Variants in EPHB2 observed in about 807,000 individuals in gnomAD.
EPHB2 encodes the protein EPH receptor B2, also known as ephrin type-B receptor 2.
Under a neutral mutation model 96.4 loss-of-function variants are expected in EPHB2, and 18 were observed. The ratio of observed to expected loss-of-function variants is 0.19; its 90% CI spans 0.13 to 0.28. The LOEUF is 0.28. EPHB2 is among the 10% of genes least tolerant of loss of function. The probability of loss-of-function intolerance (pLI) is 1.00; values close to 1 mark genes in which losing one functional copy is unlikely to be tolerated. For synonymous variants in EPHB2, 506 were observed against 534.1 expected, an observed-to-expected ratio of 0.95 and a Z score of 0.72; for missense variants, 989 against 1,355.4, an observed-to-expected ratio of 0.73 and a Z score of 4.25.
intron 5 of EPHB2, among the ~76,000 whole-genome samples, chr1:22,873,113 A>G (rs913654183): frequency 4.6e-5 from 7 of 152,286 alleles, no homozygotes; most frequent in African/African-American, 1.2e-4. Context: ...TTAACAATCA[A>G]CCATTAACCA....
At chr1:22,843,405 A>G (rs534988936) in intron 3 of EPHB2, among the ~76,000 whole-genome samples, 6 of 152,270 alleles carry the variant, frequency 3.9e-5, no homozygotes, top group Admixed American at 1.3e-4. Context: ...GATAAATTGC[A>G]TGTCATGGGG....
chr1:22,867,483 A>G (rs1325978164), intron 5 of EPHB2, among the ~76,000 whole-genome samples: 1 of 152,076 alleles, frequency 6.6e-6, no homozygotes, highest in African/African-American at 2.4e-5. Context: ...TTTGTGACTG[A>G]CTGCCTATAG....
Position 22,882,457 on chromosome 1 carries a change from G to T in EPHB2, c.1402G>T (p.Asp468Tyr). ...GGACCAGCCCAATGGCGTGATCCTG[G>T]ACTATGAGCTGCAGTACTATGAGAA... ...QPDQPNGVIL[D>Y]YELQYYEKEL... is the part of the protein sequence containing the mutation. Residue 468 changes from aspartate to tyrosine, a missense_variant, in exon 6 of 16, where the codon GAC becomes TAC. Transcript: ENST00000374630. The T allele has an allele frequency of 6.2e-7, 1 of 1,614,166 alleles. No individual in the cohort carries two copies. Among genetic ancestry groups the T allele is most frequent in the Non-Finnish European group, 8.5e-7 (1 of 1,180,004 alleles).
At chr1:22,756,321 G>T (rs1482538064) in intron 1 of EPHB2, among the ~76,000 whole-genome samples, 1 of 152,122 alleles carries the variant, frequency 6.6e-6, no homozygotes, top group African/African-American at 2.4e-5. Flanking sequence ...GGGTCCGGAG[G>T]GGAGGCAGGA....
chr1:22,771,586 G>A (rs532625556), intron 1 of EPHB2, among the ~76,000 whole-genome samples: 2 of 152,322 alleles, frequency 1.3e-5, no homozygotes, highest in African/African-American at 4.8e-5. Flanking sequence ...TCTTGCAAGT[G>A]ACTGCCTCTC....
intron 1 of EPHB2, among the ~76,000 whole-genome samples, chr1:22,736,186 T>C (rs1328629303): frequency 6.6e-6 from 1 of 152,306 alleles, no homozygotes; most frequent in Non-Finnish European, 1.5e-5. Context: ...GAGCTCATCG[T>C]ACACACGGGG....
intron 3 of EPHB2, among the ~76,000 whole-genome samples, chr1:22,853,771 G>A (rs1161545467): frequency 6.6e-6 from 1 of 152,242 alleles, no homozygotes; most frequent in African/African-American, 2.4e-5. Context: ...AGCTGGCCAG[G>A]TGGACCGTGG....
At chr1:22,735,477 A>T (rs1643808507) in intron 1 of EPHB2, among the ~76,000 whole-genome samples, 1 of 151,798 alleles carries the variant, frequency 6.6e-6, no homozygotes, top group South Asian at 2.1e-4. Context: ...GCAGAAGTAG[A>T]ACCAGGGCCT....
chr1:22,910,253 G>C, intron 13 of EPHB2, 129 bp from the exon 14 acceptor site: 1 of 1,186,314 alleles, frequency 8.4e-7, no homozygotes, highest in Non-Finnish European at 1.2e-6. Flanking sequence ...GCCTCCAGGA[G>C]GTGAAAGTGG....
chr1:22,822,666 A>G (rs1181971116), intron 3 of EPHB2, among the ~76,000 whole-genome samples: 1 of 152,234 alleles, frequency 6.6e-6, no homozygotes, highest in Non-Finnish European at 1.5e-5. Context: ...AAGTGAAAGG[A>G]AGGCCCTGTT....
At chr1:22,745,934 C>T (rs1412754094) in intron 1 of EPHB2, among the ~76,000 whole-genome samples, 1 of 152,240 alleles carries the variant, frequency 6.6e-6, no homozygotes, top group African/African-American at 2.4e-5. Context: ...CCCATTTCTA[C>T]ACCTCAGCAG....
chr1:22,788,079 G>A lies in EPHB2; in HGVS notation c.811+3003G>A, dbSNP rs538564771. On this transcript the variant is annotated intron_variant, in intron 3 of 15. Coordinates refer to ENST00000374630, the MANE Select transcript of EPHB2 (RefSeq NM_017449.5). Reference sequence around the variant, plus strand: ...CCAGAAGTGACATCTTGCCACTTCTGCCATATTCTCTGCATTAAAAGCAAG... The same window carrying A: ...CCAGAAGTGACATCTTGCCACTTCTACCATATTCTCTGCATTAAAAGCAAG... Among the ~76,000 whole-genome samples the A allele has an allele frequency of 2.0e-3, 299 of 152,252 alleles. 2 individuals are homozygous for A. The highest frequency in any genetic ancestry group is 6.8e-3 in the African/African-American group (284 of 41,542).
At chr1:22,814,017 C>T (rs1410052367) in intron 3 of EPHB2, among the ~76,000 whole-genome samples, 1 of 152,054 alleles carries the variant, frequency 6.6e-6, no homozygotes, top group Non-Finnish European at 1.5e-5. Context: ...ACTGAAAATA[C>T]AAAAATTAGT....
intron 2 of EPHB2, among the ~76,000 whole-genome samples, chr1:22,781,765 G>A (rs987304735): frequency 5.9e-5 from 9 of 152,004 alleles, no homozygotes; most frequent in Admixed American, 2.0e-4. Flanking sequence ...CACTACCCCC[G>A]TTTTACAGAT....
At chr1:22,828,030 C>T (rs1645249238) in intron 3 of EPHB2, among the ~76,000 whole-genome samples, 1 of 152,184 alleles carries the variant, frequency 6.6e-6, no homozygotes, top group African/African-American at 2.4e-5. Flanking sequence ...AGAAAGAGGC[C>T]ACTTTTGATG....
chr1:22,901,457 CTG>C (rs1252090058), intron 9 of EPHB2, among the ~76,000 whole-genome samples: 2 of 152,224 alleles, frequency 1.3e-5, no homozygotes, highest in African/African-American at 4.8e-5. Context: ...ACCCAGAACT[CTG>C]TACACTGGTT....
At chr1:22,886,717 C>CA (rs1639238232) in intron 6 of EPHB2, among the ~76,000 whole-genome samples, 2 of 150,920 alleles carry the variant, frequency 1.3e-5, no homozygotes, top group Admixed American at 1.3e-4. Context: ...ACCTCTGCCT[C>CA]CCGGATTCAA....
chr1:22,910,487 C>T lies in EPHB2; in HGVS notation c.2608C>T (p.Arg870Trp), dbSNP rs1353409966. 1.2e-6 allele frequency: 2 copies of T among 1,612,856 alleles called. No individual in the cohort carries two copies. The highest frequency in any genetic ancestry group is 1.7e-6 in the Non-Finnish European group (2 of 1,180,020). ...CTGTTGGCAGAAGGACCGCAACCAC[C>T]GGCCCAAGTTCGGCCAAATTGTCAA... ...LDCWQKDRNH[R>W]PKFGQIVNTL... The change falls in exon 14 of 16, where the codon CGG (arginine) becomes TGG (tryptophan). Residue 870 changes from arginine to tryptophan, a missense_variant. By Grantham distance (101) the Arg-to-Trp change is moderately radical. Transcript: ENST00000374630.
At chr1:22,883,206 A>G (rs1639108862) in intron 6 of EPHB2, among the ~76,000 whole-genome samples, 1 of 152,190 alleles carries the variant, frequency 6.6e-6, no homozygotes, top group African/African-American at 2.4e-5. Context: ...TTACGGAGAA[A>G]AGGCAGCACA....
Sources: allele counts gnomAD v4.1 joint callset (sites outside exome capture counted in the v4.1 genomes callset), GRCh38; gene constraint gnomAD v4.1.1; transcripts MANE v1.5; gene names NCBI Gene and HGNC (gene_info 2026-07-23, HGNC 2026-07-21).